RPS6KB1: variants seen among roughly 807,000 people sequenced by gnomAD.
RPS6KB1 encodes the protein ribosomal protein S6 kinase beta-1.
In RPS6KB1, 12 loss-of-function variants were observed where a neutral mutation model predicts 70.2. That is an observed-to-expected ratio of 0.17 (90% CI 0.11 to 0.28). RPS6KB1 has a LOEUF of 0.28. Ranked by LOEUF, RPS6KB1 falls within the 10% of genes least tolerant of loss-of-function variation. RPS6KB1 has a pLI of 1.00. For missense variants in RPS6KB1, 270 were observed against 646.6 expected, an observed-to-expected ratio of 0.42 and a Z score of 6.32; for synonymous variants, 175 against 211.2, an observed-to-expected ratio of 0.83 and a Z score of 1.49.
At chr17:59,944,144 T>C (rs1178035700) in intron 13 of RPS6KB1, among the ~76,000 whole-genome samples, 2 of 152,158 alleles carry the variant, frequency 1.3e-5, no homozygotes, top group Non-Finnish European at 2.9e-5. Flanking sequence ...CACATATAAC[T>C]GTCACAAATC....
At chr17:59,928,197 T>A (rs1172738440) in intron 5 of RPS6KB1, among the ~76,000 whole-genome samples, 1 of 151,820 alleles carries the variant, frequency 6.6e-6, no homozygotes, top group Non-Finnish European at 1.5e-5. Context: ...TCCTATATAT[T>A]TCTCACCTAG....
intron 3 of RPS6KB1, 132 bp from the exon 4 acceptor site, chr17:59,914,498 GTTCTT>G: frequency 1.4e-6 from 1 of 712,326 alleles, no homozygotes; most frequent in Non-Finnish European, 2.5e-6. Flanking sequence ...AATGTGGTCT[GTTCTT>G]TTAGCTGATC....
In RPS6KB1 at chr17:59,931,970, T is replaced by C. The variant is rs559246380; in HGVS notation, c.688+248T>C. On this transcript the variant is annotated intron_variant, in intron 7 of 14. Transcript: ENST00000225577. Reference sequence around the variant, plus strand: ...TTAGTTTAATCCTTACTCTTTATAGTTTTTCATGTTTTTGGAATCTTTACA... The same window carrying C: ...TTAGTTTAATCCTTACTCTTTATAGCTTTTCATGTTTTTGGAATCTTTACA... Among the ~76,000 whole-genome samples, 6 of 152,286 alleles carry C rather than the reference T, an allele frequency of 3.9e-5. No individual in the cohort carries two copies. The East Asian group carries it at 1.2e-3, about 29-fold the overall frequency.
chr17:59,934,424 C>G lies in RPS6KB1; in HGVS notation c.780-10C>G. ...GTGAATTTTTAAGCATATTATTTTC[C>G]TCATTGTAGGGCCCCTGAAATCTTG... On this transcript the variant is annotated splice_polypyrimidine_tract_variant and intron_variant, in intron 8 of 14. Coordinates refer to ENST00000225577, the MANE Select transcript of RPS6KB1 (RefSeq NM_003161.4). This position sits in a 1 kb window ranked among gnomAD's most constrained non-coding sequence, Gnocchi z 4.8. 1 of 1,611,686 alleles carries G rather than the reference C, an allele frequency of 6.2e-7. No homozygotes were observed. The highest frequency in any genetic ancestry group is 8.5e-7 in the Non-Finnish European group (1 of 1,178,168).
At chr17:59,908,848 G>C (rs1041349288) in intron 1 of RPS6KB1, among the ~76,000 whole-genome samples, 2 of 138,416 alleles carry the variant, frequency 1.4e-5, no homozygotes, top group Non-Finnish European at 3.1e-5. Flanking sequence ...TCGATTTCCT[G>C]ACCTCGTGAT....
intron 1 of RPS6KB1, among the ~76,000 whole-genome samples, chr17:59,894,663 G>C (rs2041410545): frequency 6.6e-6 from 1 of 152,194 alleles, no homozygotes; most frequent in South Asian, 2.1e-4. Context: ...GGAGTGCAAT[G>C]GTGCGATCTC....
intron 1 of RPS6KB1, among the ~76,000 whole-genome samples, chr17:59,904,283 G>A (rs539249142): frequency 1.3e-5 from 2 of 149,504 alleles, no homozygotes; most frequent in African/African-American, 2.5e-5. Context: ...GTTTCACCAC[G>A]TTGGTCAGGC....
chr17:59,907,542 T>A (rs1227784879), intron 1 of RPS6KB1: 1 of 148,164 alleles, frequency 6.7e-6, no homozygotes, highest in Admixed American at 6.8e-5. Flanking sequence ...TTTGGTTAAT[T>A]TTTTTTTTTT....
At chr17:59,932,586 CTG>C (rs1053435497) in intron 7 of RPS6KB1, among the ~76,000 whole-genome samples, 10 of 141,626 alleles carry the variant, frequency 7.1e-5, no homozygotes, top group Admixed American at 7.4e-5. Context: ...GGGTCTCACT[CTG>C]TCATCCAGGC....
intron 2 of RPS6KB1, among the ~76,000 whole-genome samples, chr17:59,911,871 C>T (rs1037568155): frequency 6.6e-6 from 1 of 151,700 alleles, no homozygotes; most frequent in African/African-American, 2.4e-5. Flanking sequence ...GCTGGGATTA[C>T]AGGCATGAGC....
At chr17:59,908,523 A>G (rs536862497) in intron 1 of RPS6KB1, among the ~76,000 whole-genome samples, 37 of 151,528 alleles carry the variant, frequency 2.4e-4, no homozygotes, top group African/African-American at 8.5e-4. Flanking sequence ...TTTCGAATAG[A>G]TAAATGTACA....
intron 4 of RPS6KB1, among the ~76,000 whole-genome samples, chr17:59,915,519 G>A (rs1199151044): frequency 6.6e-6 from 1 of 152,028 alleles, no homozygotes; most frequent in East Asian, 1.9e-4. Flanking sequence ...AGGCTGGAGT[G>A]CAGTTGTACA....
At chr17:59,926,123 T>G (rs1568461111) in intron 4 of RPS6KB1, among the ~76,000 whole-genome samples, 1 of 152,210 alleles carries the variant, frequency 6.6e-6, no homozygotes, top group African/African-American at 2.4e-5. Flanking sequence ...TTCTGCTTTC[T>G]TGGCACAGCC....
At position 59,933,420 on chromosome 17, in the gene RPS6KB1, ACTT is replaced by A. The variant is rs1293004564; in HGVS notation, c.689-744_689-742del. ...ATGGTTCTGTGAAAATAAAGGCCATACTTCTTCTGTATCAGAGTGTAGTATATA... is the reference window on the plus strand; with the variant it reads ...ATGGTTCTGTGAAAATAAAGGCCATACTTCTGTATCAGAGTGTAGTATATA... On this transcript the variant is annotated intron_variant, in intron 7 of 14. Coordinates refer to ENST00000225577, the MANE Select transcript of RPS6KB1 (RefSeq NM_003161.4). 3.9e-5 allele frequency among the ~76,000 whole-genome samples: 6 copies of A among 152,140 alleles called. 1 individual carries two copies. Among genetic ancestry groups the A allele is most frequent in the Admixed American group, 3.9e-4 (6 of 15,264 alleles).
At position 59,950,186 on chromosome 17, in the gene RPS6KB1, C is replaced by T. The variant is rs1405956017; in HGVS notation, c.*3398C>T. On this transcript the variant is annotated 3_prime_UTR_variant, in exon 15 of 15. Transcript: ENST00000225577. Reference sequence around the variant, plus strand: ...ACAAGTATTATCTCAGTGGATTATCCGGAATAACATCTGAAAGATGGGTTC... The same window carrying T: ...ACAAGTATTATCTCAGTGGATTATCTGGAATAACATCTGAAAGATGGGTTC... 6.6e-6 allele frequency: 1 copy of T among 152,430 alleles called. No individual in the cohort carries two copies. The highest frequency in any genetic ancestry group is 1.5e-5 in the Non-Finnish European group (1 of 67,944). 9.4% of individuals were successfully genotyped at this position (152,430 alleles called of 1,614,324 possible). A position where few individuals can be genotyped will look rare whatever the true frequency, so the allele number is the denominator to read the frequency against.
In RPS6KB1 at chr17:59,893,128, G is replaced by T; in HGVS notation, c.-57G>T. 1.3e-6 allele frequency: 2 copies of T among 1,584,486 alleles called. No individual in the cohort carries two copies. The highest frequency in any genetic ancestry group is 1.7e-6 in the Non-Finnish European group (2 of 1,165,914). Reference sequence around the variant, plus strand: ...TAAGGCCTAGGCGCAGACGCACTGAGCCTAAGCAGCCGGTGATGGCGGCAG... The same window carrying T: ...TAAGGCCTAGGCGCAGACGCACTGATCCTAAGCAGCCGGTGATGGCGGCAG... On this transcript the variant is annotated 5_prime_UTR_variant, in exon 1 of 15. Coordinates refer to ENST00000225577, the MANE Select transcript of RPS6KB1 (RefSeq NM_003161.4). This position sits in a 1 kb window ranked among gnomAD's most constrained non-coding sequence, Gnocchi z 4.1.
At chr17:59,943,325 CAT>C (rs1392390665) in intron 13 of RPS6KB1, among the ~76,000 whole-genome samples, 1 of 152,094 alleles carries the variant, frequency 6.6e-6, no homozygotes, top group Non-Finnish European at 1.5e-5. Context: ...TTTGATTTAA[CAT>C]AGAGACCTTT....
At chr17:59,900,453 C>T (rs1435658687) in intron 1 of RPS6KB1, among the ~76,000 whole-genome samples, 1 of 152,038 alleles carries the variant, frequency 6.6e-6, no homozygotes, top group Non-Finnish European at 1.5e-5. Flanking sequence ...GCAACCTCCA[C>T]CTCCTGGGTT....
Position 59,916,884 on chromosome 17 carries a change from C to A in RPS6KB1, c.381+2181C>A, listed in dbSNP as rs149697380. On this transcript the variant is annotated intron_variant, in intron 4 of 14. Coordinates refer to ENST00000225577, the MANE Select transcript of RPS6KB1 (RefSeq NM_003161.4). ...ATCCATATTGCATATTTGAGAATTT[C>A]TTTACATTTTTATTTACTTGATTGT... Among the ~76,000 whole-genome samples, 735 of 152,072 alleles carry A rather than the reference C, an allele frequency of 4.8e-3. 30 individuals carry two copies. The highest frequency in any genetic ancestry group is 0.042 in the Admixed American group (634 of 15,262).
Sources: gnomAD v4.1 joint callset for allele counts (sites outside exome capture counted in the v4.1 genomes callset) on GRCh38, gnomAD v4.1.1 for gene constraint, Gnocchi (gnomAD v3.1) non-coding constraint, MANE v1.5 for transcripts, NCBI Gene and HGNC (gene_info 2026-07-23, HGNC 2026-07-21) for gene names.